The following SHANK2 variants were observed in gnomAD, a reference collection of about 807,000 sequenced individuals.
SHANK2 encodes SH3 and multiple ankyrin repeat domains protein 2.
In SHANK2, 43 loss-of-function variants were observed where a neutral mutation model predicts 133.7. The observed-to-expected ratio is 0.32, with a 90% CI of 0.25 to 0.41. The LOEUF is 0.41. Ranked by LOEUF, SHANK2 falls within the 10% of genes least tolerant of loss-of-function variation. The pLI, the probability that SHANK2 is intolerant of heterozygous loss-of-function variation, is 1.00. For synonymous variants in SHANK2, 1,017 were observed against 952.8 expected (o/e 1.07, Z -1.24); for missense variants, 1,994 against 2,235.8 (o/e 0.89, Z 2.18).
At chr11:71,135,825 G>A (rs868982503) in intron 3 of SHANK2, among the ~76,000 whole-genome samples, 4 of 152,040 alleles carry the variant, frequency 2.6e-5, no homozygotes, top group East Asian at 1.9e-4. Flanking sequence ...CGGTGGCCAC[G>A]GTGTTCACAT....
At chr11:70,810,234 G>A (rs930420135) in intron 12 of SHANK2, among the ~76,000 whole-genome samples, 3 of 152,218 alleles carry the variant, frequency 2.0e-5, no homozygotes, top group African/African-American at 7.2e-5. Flanking sequence ...GAACGCAACA[G>A]CAGCGCTGGG....
chr11:70,613,049 G>A (rs1403917388), intron 17 of SHANK2, among the ~76,000 whole-genome samples: 4 of 152,200 alleles, frequency 2.6e-5, no homozygotes, highest in South Asian at 2.1e-4. Context: ...GAAACTTCTC[G>A]TGTGTGTCTC....
chr11:70,772,897 A>C (rs961500379), intron 14 of SHANK2, among the ~76,000 whole-genome samples: 1 of 152,234 alleles, frequency 6.6e-6, no homozygotes, highest in Non-Finnish European at 1.5e-5. Context: ...GCTCTCTTGC[A>C]GAAGATCCCC....
At chr11:70,834,000 G>A (rs1397845771) in intron 11 of SHANK2, among the ~76,000 whole-genome samples, 3 of 152,232 alleles carry the variant, frequency 2.0e-5, no homozygotes, top group African/African-American at 2.4e-5. Context: ...AGCTTTGAGC[G>A]TCACCTTCAA....
intron 11 of SHANK2, among the ~76,000 whole-genome samples, chr11:70,826,005 A>G (rs782159796): frequency 1.3e-5 from 2 of 152,310 alleles, no homozygotes; most frequent in Non-Finnish European, 2.9e-5. Context: ...CTTCCCATCC[A>G]TTCCATGTAA....
At chr11:71,163,557 A>G (rs755235194) in intron 2 of SHANK2, among the ~76,000 whole-genome samples, 5 of 152,152 alleles carry the variant, frequency 3.3e-5, no homozygotes, top group Non-Finnish European at 7.4e-5. Context: ...GGAGAATGTG[A>G]TAGGAGGGCA....
At chr11:70,600,523 C>T (rs557001814) in intron 17 of SHANK2, among the ~76,000 whole-genome samples, 2 of 151,518 alleles carry the variant, frequency 1.3e-5, no homozygotes, top group South Asian at 4.2e-4. Context: ...TCAAATAATC[C>T]TGAAGAGATA....
rs1555052093 is a variant in SHANK2 at position 70,807,097 on chromosome 11, T to C, written c.1568A>G (p.Tyr523Cys). Residue 523 changes from tyrosine to cysteine, a missense_variant, in exon 13 of 26, where the codon TAC becomes TGC. Physicochemically the swap from Tyr to Cys is radical, Grantham distance 194. Transcript: ENST00000601538. This position sits in a 1 kb window ranked among gnomAD's most constrained non-coding sequence, Gnocchi z 4.8. Reference protein sequence around the residue: ...FEYPGPKRKLYSAVPGRLFVA... With the variant: ...FEYPGPKRKLCSAVPGRLFVA... The stretch of plus-strand genomic sequence containing the variant: ...GAAGAGCCTCCCGGGCACGGCACTG[T>C]AGAGCTTCCGCTTGGGCCCCGGGTA... 9 of 717,722 alleles carry C rather than the reference T, an allele frequency of 1.3e-5. No individual in the cohort carries two copies. In the Admixed American group the frequency reaches 1.6e-4, roughly 13 times the overall value. The allele number at this position is 717,722 out of a possible 1,614,324, so 44.5% of individuals were successfully genotyped here.
intron 17 of SHANK2, among the ~76,000 whole-genome samples, chr11:70,572,995 C>T (rs375534517): frequency 3.1e-4 from 47 of 152,288 alleles, no homozygotes; most frequent in Non-Finnish European, 4.9e-4. Flanking sequence ...TGCAACCAAA[C>T]GCCCATCGAT....
At chr11:71,117,542 C>T (rs1461951179) in intron 4 of SHANK2, among the ~76,000 whole-genome samples, 7 of 152,150 alleles carry the variant, frequency 4.6e-5, no homozygotes, top group African/African-American at 1.7e-4. Context: ...ACTCGAGGGT[C>T]AGGACTCCCA....
chr11:70,816,576 C>T (rs999400959), intron 12 of SHANK2, among the ~76,000 whole-genome samples: 6 of 152,210 alleles, frequency 3.9e-5, no homozygotes, highest in Admixed American at 2.6e-4. Flanking sequence ...GGGCCCGTTG[C>T]CCTAGGAAAG....
intron 8 of SHANK2, among the ~76,000 whole-genome samples, chr11:71,085,291 T>C (rs2136017844): frequency 6.6e-6 from 1 of 151,216 alleles, no homozygotes; most frequent in East Asian, 2.0e-4. Context: ...ACCCTGTCTC[T>C]ACTAAAAATA....
At chr11:71,122,263 T>C (rs1952095280) in intron 3 of SHANK2, among the ~76,000 whole-genome samples, 4 of 152,282 alleles carry the variant, frequency 2.6e-5, no homozygotes, top group Admixed American at 2.6e-4. Context: ...CCATCAATGA[T>C]AGACTGGATT....
At chr11:71,253,183 T>C (rs552767364), upstream of SHANK2, among the ~76,000 whole-genome samples, 11 of 152,084 alleles carry the variant, frequency 7.2e-5, no homozygotes, top group South Asian at 2.1e-4. Context: ...ACGGCTCGGG[T>C]GAATCCCAGA....
At chr11:70,909,565 CACATCAGACA>C (rs1791686376) in intron 10 of SHANK2, among the ~76,000 whole-genome samples, 1 of 152,168 alleles carries the variant, frequency 6.6e-6, no homozygotes, top group African/African-American at 2.4e-5. Flanking sequence ...CCTTGTTCTG[CACATCAGACA>C]ACAGGTTTCG....
At chr11:71,238,694 G>C (rs543360833) in intron 1 of SHANK2, among the ~76,000 whole-genome samples, 1 of 152,384 alleles carries the variant, frequency 6.6e-6, no homozygotes, top group East Asian at 1.9e-4. Context: ...ACAGTGTGCT[G>C]AAACACAGTG....
At chr11:70,504,842 A>G (rs547656188) in intron 17 of SHANK2, among the ~76,000 whole-genome samples, 54 of 152,274 alleles carry the variant, frequency 3.5e-4, no homozygotes, top group Non-Finnish European at 6.9e-4. Context: ...CTGCTCTGGT[A>G]CAGACAGGCA....
At chr11:70,854,823 G>A (rs1236355573) in intron 11 of SHANK2, among the ~76,000 whole-genome samples, 10 of 152,220 alleles carry the variant, frequency 6.6e-5, no homozygotes, top group Non-Finnish European at 1.0e-4. Context: ...ATGGCCTCTG[G>A]GGTCCTGGAC....
chr11:71,172,057 G>A (rs930571130), intron 2 of SHANK2, among the ~76,000 whole-genome samples: 8 of 152,160 alleles, frequency 5.3e-5, no homozygotes. Context: ...CTGCCCAAGG[G>A]TTGAACAAGG....
Sources: allele counts gnomAD v4.1 joint callset (sites outside exome capture counted in the v4.1 genomes callset), GRCh38; gene constraint gnomAD v4.1.1; non-coding constraint Gnocchi (gnomAD v3.1); transcripts MANE v1.5; gene names NCBI Gene and HGNC (gene_info 2026-07-23, HGNC 2026-07-21).